The following MED26 variants were observed in gnomAD, a reference collection of about 807,000 sequenced individuals.
MED26 encodes the protein mediator of RNA polymerase II transcription subunit 26.
Under a neutral mutation model 43.7 loss-of-function variants are expected in MED26, and 7 were observed. The ratio of observed to expected loss-of-function variants is 0.16; its 90% CI spans 0.09 to 0.30. MED26 has a LOEUF of 0.30. Among genes scored for constraint, MED26 ranks in the 10% least tolerant of loss-of-function variants. MED26 has a pLI of 1.00. For synonymous variants in MED26, 375 were observed against 371.1 expected, an observed-to-expected ratio of 1.01 and a Z score of -0.12; for missense variants, 784 against 840.6, an observed-to-expected ratio of 0.93 and a Z score of 0.83.
chr19:16,600,547 C>G (rs1377355432), intron 1 of MED26, among the ~76,000 whole-genome samples: 1 of 152,162 alleles, frequency 6.6e-6, no homozygotes. Flanking sequence ...GCCTCAACCT[C>G]ACTTTCTAAG....
chr19:16,575,774 A>C lies in MED26; in HGVS notation c.*253T>G. On this transcript the variant is annotated 3_prime_UTR_variant, in exon 3 of 3. Transcript: ENST00000263390. ...TGGTTTGCTATAGAGTTCTGAACTC[A>C]CTTTGCCGTCCTTCCTTCCACGCGG... 1.9e-6 allele frequency: 1 copy of C among 524,476 alleles called. No individual in the cohort carries two copies. The highest frequency in any genetic ancestry group is 2.3e-5 in the South Asian group (1 of 42,690). 32.5% of individuals were successfully genotyped at this position (524,476 alleles called of 1,614,324 possible).
At position 16,576,193 on chromosome 19, in the gene MED26, T is replaced by A; in HGVS notation, c.1637A>T (p.Glu546Val). The A allele has an allele frequency of 6.2e-7, 1 of 1,612,868 alleles. No homozygotes were observed. Among genetic ancestry groups the A allele is most frequent in the Non-Finnish European group, 8.5e-7 (1 of 1,180,004 alleles). The change falls in exon 3 of 3, where the codon GAG becomes GTG. Residue 546 changes from glutamate (E) to valine (V), a missense_variant. By Grantham distance (121) the Glu-to-Val change is moderately radical. Transcript: ENST00000263390. This position sits in a 1 kb window ranked among gnomAD's most constrained non-coding sequence, Gnocchi z 6.8. ...PPTDLPGLTR[E>V]VTQDDLDRIQ... ...TCTGTCGAGATCGTCCTGTGTGACC[T>A]CCCGGGTCAGACCAGGGAGGTCCGT...
At position 16,627,924 on chromosome 19, in the gene MED26, G is replaced by A. The variant is rs908412701; in HGVS notation, c.20C>T (p.Ser7Phe). The A allele has an allele frequency of 2.0e-6, 3 of 1,494,594 alleles. No individual in the cohort carries two copies. The highest frequency in any genetic ancestry group is 1.8e-6 in the Non-Finnish European group (2 of 1,121,438). 92.6% of individuals were successfully genotyped at this position (1,494,594 alleles called of 1,614,324 possible). A position where few individuals can be genotyped will look rare whatever the true frequency, so the allele number is the denominator to read the frequency against. The change falls in exon 1 of 3, where the codon TCT becomes TTT. Residue 7 changes from serine (S) to phenylalanine (F), a missense_variant. Physicochemically the swap from Ser to Phe is radical, Grantham distance 155 (BLOSUM62 -2). Coordinates refer to ENST00000263390, the MANE Select transcript of MED26 (RefSeq NM_004831.5). MTAAPASPQQIRDRLLQ... is the reference protein window; with the variant it reads MTAAPAFPQQIRDRLLQ... ...CAGCCGGTCCCTGATCTGCTGCGGA[G>A]ACGCCGGAGCCGCTGTCATTGCCTG... is the stretch of plus-strand genomic sequence containing the variant.
rs551219804 is a variant in MED26, at chr19:16,577,381, C to T, written c.449G>A (p.Arg150Gln). The T allele has an allele frequency of 1.9e-5, 30 of 1,608,488 alleles. No homozygotes were observed. Among genetic ancestry groups the T allele is most frequent in the African/African-American group, 9.3e-5 (7 of 74,888 alleles). ...GTGGCCGAGGTCACGCTGGTCACCC[C>T]GGCGCTTGCGGCTGCCCAGCCTGTC... is the stretch of plus-strand genomic sequence containing the variant. Reference protein sequence around the residue: ...RLDRLGSRKRRGDQRDLGHPG... With the variant: ...RLDRLGSRKRQGDQRDLGHPG... The change falls in exon 3 of 3, where the codon CGG becomes CAG. Residue 150 changes from arginine to glutamine, a missense_variant. By Grantham distance (43) the Arg-to-Gln change is conservative. Coordinates refer to ENST00000263390, the MANE Select transcript of MED26 (RefSeq NM_004831.5). This position sits in a 1 kb window ranked among gnomAD's most constrained non-coding sequence, Gnocchi z 8.1.
At chr19:16,614,245 T>C (rs929691861) in intron 1 of MED26, among the ~76,000 whole-genome samples, 3 of 152,182 alleles carry the variant, frequency 2.0e-5, no homozygotes, top group Non-Finnish European at 4.4e-5. Flanking sequence ...GGGTAGTGTC[T>C]GGCCCGGCGC....
Position 16,575,219 on chromosome 19 carries a change from A to C in MED26, c.*808T>G, listed in dbSNP as rs1401242339. 6.6e-6 allele frequency: 1 copy of C among 152,598 alleles called. No homozygotes were observed. Among genetic ancestry groups the C allele is most frequent in the Non-Finnish European group, 1.5e-5 (1 of 68,028 alleles). The allele number at this position is 152,598 out of a possible 1,614,324, so 9.5% of individuals were successfully genotyped here. ...TGTGTTGTTTTGGGGGGACTCTAGA[A>C]AGGTGAAGTTTTCTAGATGTGTACA... is the stretch of plus-strand genomic sequence containing the variant. On this transcript the variant is annotated 3_prime_UTR_variant, in exon 3 of 3. Coordinates refer to ENST00000263390, the MANE Select transcript of MED26 (RefSeq NM_004831.5).
rs3745328 is a variant in MED26 at position 16,577,107 on chromosome 19, G to C, written c.723C>G (p.Pro241=). 1.2e-6 allele frequency: 2 copies of C among 1,610,560 alleles called. No individual in the cohort carries two copies. The highest frequency in any genetic ancestry group is 2.2e-5 in the South Asian group (2 of 91,038). Residue 241 remains proline, a synonymous_variant, in exon 3 of 3, where the codon CCC becomes CCG. Transcript: ENST00000263390. The surrounding 1 kb of genome is among the most constrained non-coding windows in gnomAD (Gnocchi z 8.1). Reference sequence around the variant, plus strand: ...GCACCGAAGCCTTTGGCTGCAAGCAGGGTCCAGGGGGCTTGCCCAGGCCCG... The same window carrying C: ...GCACCGAAGCCTTTGGCTGCAAGCACGGTCCAGGGGGCTTGCCCAGGCCCG... The part of the protein sequence containing the change: ...SSPGLGKPPG[P]CLQPKASVLQ...
chr19:16,580,543 AT>A (rs892358026), intron 1 of MED26, among the ~76,000 whole-genome samples: 188 of 150,168 alleles, frequency 1.3e-3, no homozygotes, highest in Non-Finnish European at 2.0e-3. Context: ...TAATTTTTGT[AT>A]TTTTTTTTAG....
Position 16,577,492 on chromosome 19 carries a change from G to A in MED26, c.338C>T (p.Pro113Leu), listed in dbSNP as rs757017468. 1.4e-5 allele frequency: 22 copies of A among 1,591,448 alleles called. No homozygotes were observed. The highest frequency in any genetic ancestry group is 4.0e-5 in the African/African-American group (3 of 74,344). Residue 113 changes from proline to leucine, a missense_variant, in exon 3 of 3, where the codon CCG becomes CTG. Pro to Leu is a moderately conservative substitution (Grantham distance 98, BLOSUM62 -3). Transcript: ENST00000263390. This position sits in a 1 kb window ranked among gnomAD's most constrained non-coding sequence, Gnocchi z 8.1. Reference sequence around the variant, plus strand: ...GGGTGGGCCAGCCGCCCCCACCTCCGGCCGGCAGTTGTGTGCGCCCCCGTT... The same window carrying A: ...GGGTGGGCCAGCCGCCCCCACCTCCAGCCGGCAGTTGTGTGCGCCCCCGTT... Reference protein sequence around the residue: ...SANGGAHNCRPEVGAAGPPRS... With the variant: ...SANGGAHNCRLEVGAAGPPRS...
chr19:16,625,780 G>A (rs1253252461), intron 1 of MED26, among the ~76,000 whole-genome samples: 1 of 152,116 alleles, frequency 6.6e-6, no homozygotes, highest in Non-Finnish European at 1.5e-5. Context: ...GTTTCTGCAT[G>A]GTGTTTGCTC....
intron 1 of MED26, chr19:16,610,253 G>A (rs1426700469): frequency 6.6e-6 from 1 of 151,972 alleles, no homozygotes; most frequent in Non-Finnish European, 1.5e-5. Flanking sequence ...AAAGTTTTTA[G>A]AGCAAGACTC....
intron 1 of MED26, among the ~76,000 whole-genome samples, chr19:16,614,679 C>T (rs554709037): frequency 6.6e-6 from 1 of 152,264 alleles, no homozygotes; most frequent in East Asian, 1.9e-4. Flanking sequence ...CCAAACCTAA[C>T]GGAACTGAGC....
chr19:16,610,847 T>C (rs1245858468), intron 1 of MED26: 1 of 152,156 alleles, frequency 6.6e-6, no homozygotes, highest in East Asian at 1.9e-4. Context: ...CTCTGTATAA[T>C]GGGTGGCCAG....
chr19:16,610,989 C>T (rs2086196886), intron 1 of MED26: 1 of 151,970 alleles, frequency 6.6e-6, no homozygotes, highest in South Asian at 2.1e-4. Context: ...ATGTGTAGAT[C>T]ATGACAATAA....
chr19:16,605,369 T>C (rs2086167860), intron 1 of MED26, among the ~76,000 whole-genome samples: 2 of 152,120 alleles, frequency 1.3e-5, no homozygotes, highest in Non-Finnish European at 2.9e-5. Context: ...GAGACACCAG[T>C]GTGGGCAGGA....
intron 2 of MED26, 114 bp downstream of exon 2, chr19:16,578,221 T>A: frequency 9.9e-7 from 1 of 1,008,612 alleles, no homozygotes; most frequent in Non-Finnish European, 1.6e-6. Context: ...ACCGCCTCTC[T>A]TGGTCCTCCG....
chr19:16,593,821 C>G (rs532400698), intron 1 of MED26, among the ~76,000 whole-genome samples: 12 of 152,160 alleles, frequency 7.9e-5, no homozygotes, highest in Admixed American at 7.9e-4. Flanking sequence ...AGAAGGCCAC[C>G]TCTCCTGTCC....
Position 16,577,544 on chromosome 19 carries a change from C to T in MED26, c.286G>A (p.Gly96Arg), listed in dbSNP as rs745563556. Residue 96 changes from glycine to arginine, a missense_variant, in exon 3 of 3, where the codon GGG becomes AGG. By Grantham distance (125) the Gly-to-Arg change is moderately radical. This residue lies in a region of MED26 where 719 missense variants were observed against 730.9 expected (regional missense o/e 0.98). Coordinates refer to ENST00000263390, the MANE Select transcript of MED26 (RefSeq NM_004831.5). This position sits in a 1 kb window ranked among gnomAD's most constrained non-coding sequence, Gnocchi z 8.1. ...GCAGAGCCGGTGGCCCCCGCCAGCC[C>T]CCGCAGCGCCGCCTCATGCTGGTGT... Reference protein sequence around the residue: ...PAHQHEAALRGLAGATGSANG... With the variant: ...PAHQHEAALRRLAGATGSANG... 1 of 1,607,290 alleles carries T rather than the reference C, an allele frequency of 6.2e-7. No homozygotes were observed. Among genetic ancestry groups the T allele is most frequent in the Non-Finnish European group, 8.5e-7 (1 of 1,176,004 alleles).
intron 1 of MED26, among the ~76,000 whole-genome samples, chr19:16,583,283 T>G (rs2216670): frequency 0.089 from 13,558 of 152,298 alleles, 695 homozygotes; most frequent in Admixed American, 0.12. Flanking sequence ...CCTGCCAAGT[T>G]GCTTTCCCAA....
Sources: allele counts gnomAD v4.1 joint callset (sites outside exome capture counted in the v4.1 genomes callset), GRCh38; gene constraint gnomAD v4.1.1; regional missense constraint gnomAD v4.1.1; non-coding constraint Gnocchi (gnomAD v3.1); transcripts MANE v1.5; gene names NCBI Gene and HGNC (gene_info 2026-07-23, HGNC 2026-07-21).